FRMD4B: variants seen among roughly 807,000 people sequenced by gnomAD.
FRMD4B encodes FERM domain-containing protein 4B.
FRMD4B carries 74 observed loss-of-function variants against 141.5 expected under a neutral mutation model. The ratio of observed to expected loss-of-function variants is 0.52; its 90% confidence interval spans 0.43 to 0.63. The LOEUF is 0.63. Among genes scored for constraint, FRMD4B ranks in the 30% least tolerant of loss-of-function variants. FRMD4B has a pLI of 0.00. For synonymous variants in FRMD4B, 506 were observed against 467.9 expected (o/e 1.08, Z -1.05); for missense variants, 1,366 against 1,253.4 (o/e 1.09, Z -1.36).
intron 1 of FRMD4B, among the ~76,000 whole-genome samples, chr3:69,443,190 C>T (rs939910520): frequency 6.6e-6 from 1 of 152,104 alleles, no homozygotes; most frequent in Non-Finnish European, 1.5e-5. Flanking sequence ...AGGTTGAGTT[C>T]AGTCACCAGT....
intron 1 of FRMD4B, among the ~76,000 whole-genome samples, chr3:69,366,221 C>A (rs1436910378): frequency 1.3e-5 from 2 of 150,234 alleles, no homozygotes; most frequent in Non-Finnish European, 2.9e-5. Context: ...GATTGCATCA[C>A]TGCACTCCAA....
intron 1 of FRMD4B, among the ~76,000 whole-genome samples, chr3:69,327,265 C>T (rs1702217578): frequency 6.6e-6 from 1 of 152,160 alleles, no homozygotes; most frequent in African/African-American, 2.4e-5. Context: ...TAAAAAAGTA[C>T]TGCGTCTTTC....
intron 5 of FRMD4B, among the ~76,000 whole-genome samples, chr3:69,274,794 C>G (rs1023052996): frequency 2.0e-5 from 3 of 152,194 alleles, no homozygotes; most frequent in Non-Finnish European, 4.4e-5. Context: ...TCTTGGATTA[C>G]AGGCATGAGC....
intron 2 of FRMD4B, among the ~76,000 whole-genome samples, chr3:69,432,174 T>A (rs1200784947): frequency 6.6e-6 from 1 of 152,252 alleles, no homozygotes; most frequent in South Asian, 2.1e-4. Flanking sequence ...ATGAAAATCA[T>A]TGCACTTATA....
intron 2 of FRMD4B, among the ~76,000 whole-genome samples, chr3:69,402,813 T>C (rs940925014): frequency 3.3e-5 from 5 of 152,248 alleles, no homozygotes; most frequent in South Asian, 4.1e-4. Flanking sequence ...ATTAGTCAGA[T>C]TGCACATGAC....
rs1205833016 is a variant in FRMD4B at position 69,385,937 on chromosome 3, C to A, written c.53G>T (p.Arg18Leu). The A allele has an allele frequency of 6.2e-7, 1 of 1,604,294 alleles. No individual in the cohort carries two copies. Among genetic ancestry groups the A allele is most frequent in the South Asian group, 1.1e-5 (1 of 88,878 alleles). The change falls in exon 1 of 23, where the codon CGC becomes CTC. Residue 18 changes from arginine (R) to leucine (L), a missense_variant. Physicochemically the swap from Arg to Leu is moderately radical, Grantham distance 102 (BLOSUM62 -2). Coordinates refer to ENST00000398540, the MANE Select transcript of FRMD4B (RefSeq NM_015123.3). ...GVEDLLFSGS[R>L]FVWNLTVSTL... ...GGACACGGTCAAGTTCCATACGAAG[C>A]GGCTGCCGCTGAACAGCAGGTCCTC...
At chr3:69,352,079 T>C (rs1703169194) in intron 1 of FRMD4B, among the ~76,000 whole-genome samples, 1 of 152,176 alleles carries the variant, frequency 6.6e-6, no homozygotes, top group Admixed American at 6.5e-5. Flanking sequence ...GAGTATGCTC[T>C]GGAGTGGGAC....
intron 7 of FRMD4B, chr3:69,228,554 G>A (rs887034528): frequency 1.6e-5 from 7 of 433,740 alleles, no homozygotes; most frequent in East Asian, 7.0e-5. Context: ...GTCAGAGCTC[G>A]CTGGGCATGG....
At chr3:69,333,725 C>T (rs968988917) in intron 1 of FRMD4B, among the ~76,000 whole-genome samples, 12 of 152,082 alleles carry the variant, frequency 7.9e-5, no homozygotes, top group East Asian at 1.9e-4. Flanking sequence ...AAATTGTGAA[C>T]GTGGTCCATT....
chr3:69,275,442 C>CTCTCT (rs34179126), intron 5 of FRMD4B, among the ~76,000 whole-genome samples: 1 of 141,764 alleles, frequency 7.1e-6, no homozygotes, highest in African/African-American at 2.6e-5. Flanking sequence ...CTCTCTCTCT[C>CTCTCT]TTTTTTTTTT....
chr3:69,407,371 T>C (rs924719692), intron 2 of FRMD4B, among the ~76,000 whole-genome samples: 3 of 152,222 alleles, frequency 2.0e-5, no homozygotes, highest in Non-Finnish European at 4.4e-5. Context: ...GCTTAGTTCC[T>C]GGATATCTCT....
In FRMD4B at chr3:69,271,484, G is replaced by A. The variant is rs192746943; in HGVS notation, c.501+16268C>T. Among the ~76,000 whole-genome samples, 35 of 152,298 alleles carry A rather than the reference G, an allele frequency of 2.3e-4. No individual in the cohort carries two copies. The South Asian group carries it at 3.5e-3, about 15-fold the overall frequency. ...CACAGCACGATGAAAAGGTCCTGAG[G>A]ACATGGGGTTAAAGATGACAGGTAT... On this transcript the variant is annotated intron_variant, in intron 5 of 22. Transcript: ENST00000398540.
At chr3:69,212,381 G>GAAAAAAA (rs61444871) in intron 11 of FRMD4B, among the ~76,000 whole-genome samples, 3 of 95,594 alleles carry the variant, frequency 3.1e-5, no homozygotes, top group African/African-American at 1.2e-4. Context: ...AAAAAAAAAA[G>GAAAAAAA]AAAAAAAAAA....
chr3:69,273,118 A>G (rs1183224470), intron 5 of FRMD4B, among the ~76,000 whole-genome samples: 1 of 152,154 alleles, frequency 6.6e-6, no homozygotes. Context: ...CATTCAGGGC[A>G]CTTTGGTTGA....
Position 69,171,946 on chromosome 3 carries a change from T to A in FRMD4B, c.3020A>T (p.Asp1007Val), listed in dbSNP as rs1475730358. ...CAGGTTGTCTTCCAGCTGGTTTCCA[T>A]CTGTACCATCCAGTTGACTGATTTC... ...YTEISQLDGTDGNQLEDNLES... is the reference protein window; with the variant it reads ...YTEISQLDGTVGNQLEDNLES... Residue 1007 changes from aspartate (D) to valine (V), a missense_variant, in exon 23 of 23, where the codon GAT (aspartate) becomes GTT (valine). By Grantham distance (152) the Asp-to-Val change is radical. Transcript: ENST00000398540. 1 of 1,612,278 alleles carries A rather than the reference T, an allele frequency of 6.2e-7. No homozygotes were observed. The highest frequency in any genetic ancestry group is 1.7e-5 in the Admixed American group (1 of 60,014).
chr3:69,366,397 A>T (rs1308229313), intron 1 of FRMD4B, among the ~76,000 whole-genome samples: 4 of 147,672 alleles, frequency 2.7e-5, no homozygotes. Context: ...AAAAATAATG[A>T]CATATATCAG....
chr3:69,313,582 T>A (rs1701682727), intron 1 of FRMD4B, 65 bp from the exon 2 acceptor site: 1 of 954,468 alleles, frequency 1.0e-6, no homozygotes, highest in South Asian at 1.4e-5. Context: ...TTTGGACTCG[T>A]TGTATCATTT....
chr3:69,470,388 G>T (rs2106943398), intron 1 of FRMD4B, among the ~76,000 whole-genome samples: 1 of 152,032 alleles, frequency 6.6e-6, no homozygotes, highest in Non-Finnish European at 1.5e-5. Flanking sequence ...ACACCATTTT[G>T]CAAGTTCTAC....
chr3:69,476,370 T>A (rs1379380317), intron 1 of FRMD4B, among the ~76,000 whole-genome samples: 1 of 152,198 alleles, frequency 6.6e-6, no homozygotes, highest in Non-Finnish European at 1.5e-5. Flanking sequence ...CATCTTGAAT[T>A]AATTTTTTTA....
Sources: allele counts gnomAD v4.1 joint callset (sites outside exome capture counted in the v4.1 genomes callset), GRCh38; gene constraint gnomAD v4.1.1; transcripts MANE v1.5; gene names NCBI Gene and HGNC (gene_info 2026-07-23, HGNC 2026-07-21).